The following CIMIP6 variants were observed in gnomAD, a reference collection of about 807,000 sequenced individuals.
CIMIP6 encodes the protein ciliary microtubule inner protein 6, also known as uncharacterized protein C2orf73.
the CIMIP6 span, among the ~76,000 whole-genome samples, chr2:54,369,233 G>A: frequency 2.6e-5 from 4 of 152,096 alleles, no homozygotes; most frequent in Admixed American, 6.6e-5. Flanking sequence ...GTGTGTATGT[G>A]TGTCTGCCTG....
At chr2:54,335,135 AT>A in the CIMIP6 span, 1 of 801,826 alleles carries the variant, frequency 1.2e-6, no homozygotes, top group East Asian at 2.8e-5. Flanking sequence ...AGTAGTACTT[AT>A]CATAATCCAA....
the CIMIP6 span, among the ~76,000 whole-genome samples, chr2:54,376,482 G>C: frequency 6.6e-6 from 1 of 152,318 alleles, no homozygotes; most frequent in South Asian, 2.1e-4. Flanking sequence ...TCTTGGGGTA[G>C]AAATTCCTTC....
chr2:54,352,159 G>T, the CIMIP6 span, among the ~76,000 whole-genome samples: 1 of 152,018 alleles, frequency 6.6e-6, no homozygotes, highest in Non-Finnish European at 1.5e-5. Flanking sequence ...CAAATTACAG[G>T]TTTAACTTTC....
At chr2:54,377,760 T>TGCA in the CIMIP6 span, among the ~76,000 whole-genome samples, 1 of 151,846 alleles carries the variant, frequency 6.6e-6, no homozygotes. Flanking sequence ...CTGGAGAGTG[T>TGCA]GTAGATGAGG....
the CIMIP6 span, among the ~76,000 whole-genome samples, chr2:54,371,905 C>T: frequency 6.6e-6 from 1 of 152,192 alleles, no homozygotes; most frequent in Non-Finnish European, 1.5e-5. Flanking sequence ...GAGAATGCTA[C>T]CTAACCCCTC....
chr2:54,371,563 G>A, the CIMIP6 span, among the ~76,000 whole-genome samples: 1 of 152,248 alleles, frequency 6.6e-6, no homozygotes, highest in South Asian at 2.1e-4. Flanking sequence ...GCAGCTGTCT[G>A]GAGTTTTCCA....
chr2:54,359,838 G>T, the CIMIP6 span, among the ~76,000 whole-genome samples: 2 of 151,970 alleles, frequency 1.3e-5, no homozygotes, highest in Non-Finnish European at 2.9e-5. Flanking sequence ...TAAATTCTTA[G>T]GTCTATGAAC....
the CIMIP6 span, among the ~76,000 whole-genome samples, chr2:54,382,289 A>G: frequency 1.9e-4 from 29 of 152,362 alleles, no homozygotes; most frequent in Admixed American, 1.2e-3. Context: ...ATTGAGAACA[A>G]TAAAACTGAG....
At chr2:54,361,710 A>G in the CIMIP6 span, 3 of 152,204 alleles carry the variant, frequency 2.0e-5, no homozygotes, top group African/African-American at 7.2e-5. Context: ...TAATAGCTCC[A>G]TAGTCTTCAA....
the CIMIP6 span, among the ~76,000 whole-genome samples, chr2:54,380,086 T>C: frequency 1.3e-5 from 2 of 151,728 alleles, no homozygotes; most frequent in Admixed American, 1.3e-4. Context: ...GAGGCTGCAG[T>C]GGAGCCAAGA....
chr2:54,381,870 A>T, the CIMIP6 span: 1 of 1,547,562 alleles, frequency 6.5e-7, no homozygotes, highest in Non-Finnish European at 8.7e-7. Context: ...AAAGGAGCCA[A>T]GACTGTAACA....
the CIMIP6 span, among the ~76,000 whole-genome samples, chr2:54,332,700 T>C: frequency 6.6e-6 from 1 of 152,336 alleles, no homozygotes; most frequent in South Asian, 2.1e-4. Flanking sequence ...AATTTAACTA[T>C]ATAACAAATA....
chr2:54,341,872 G>T, the CIMIP6 span, among the ~76,000 whole-genome samples: 6 of 151,942 alleles, frequency 3.9e-5, no homozygotes, highest in East Asian at 9.6e-4. Context: ...CCAGAAGCAG[G>T]CGCTCTGACA....
the CIMIP6 span, among the ~76,000 whole-genome samples, chr2:54,368,561 C>T: frequency 1.1e-4 from 16 of 152,144 alleles, no homozygotes; most frequent in East Asian, 9.6e-4. Context: ...GAATGTCCTG[C>T]GTGAGAAGAG....
chr2:54,351,299 G>A, the CIMIP6 span, among the ~76,000 whole-genome samples: 2 of 152,076 alleles, frequency 1.3e-5, no homozygotes, highest in Non-Finnish European at 2.9e-5. Context: ...ATACCCAAAG[G>A]AATATAAATA....
At chr2:54,378,408 T>C in the CIMIP6 span, among the ~76,000 whole-genome samples, 1 of 152,266 alleles carries the variant, frequency 6.6e-6, no homozygotes, top group Non-Finnish European at 1.5e-5. Flanking sequence ...ATAACATTTT[T>C]AAACAGGAAG....
At chr2:54,333,245 G>A in the CIMIP6 span, among the ~76,000 whole-genome samples, 1 of 152,198 alleles carries the variant, frequency 6.6e-6, no homozygotes, top group Non-Finnish European at 1.5e-5. Flanking sequence ...AAATTGTGGT[G>A]TTAATAAAAG....
At chr2:54,340,670 T>C in the CIMIP6 span, among the ~76,000 whole-genome samples, 3 of 152,220 alleles carry the variant, frequency 2.0e-5, no homozygotes, top group Non-Finnish European at 4.4e-5. Context: ...AGTCACATTT[T>C]AGGAAAAACT....
chr2:54,333,221 A>G, the CIMIP6 span, among the ~76,000 whole-genome samples: 1 of 152,230 alleles, frequency 6.6e-6, no homozygotes, highest in Non-Finnish European at 1.5e-5. Context: ...TAAACAAAAA[A>G]CTAGGTACAT....
Sources: gnomAD v4.1 joint callset for allele counts (sites outside exome capture counted in the v4.1 genomes callset) on GRCh38, gnomAD v4.1.1 for gene constraint, MANE v1.5 for transcripts, NCBI Gene and HGNC (gene_info 2026-07-23, HGNC 2026-07-21) for gene names.